The following SLC4A1 variants were observed in gnomAD, a reference collection of about 807,000 sequenced individuals.
SLC4A1 encodes solute carrier family 4 member 1 (Diego blood group), also known as band 3 anion transport protein.
In SLC4A1, 29 loss-of-function variants were observed where a neutral mutation model predicts 93.1. That is an observed-to-expected ratio of 0.31 (90% CI 0.23 to 0.42). The LOEUF (loss-of-function observed/expected upper bound fraction) is 0.42. SLC4A1 is among the 20% of genes least tolerant of loss of function. SLC4A1 has a pLI of 1.00. For synonymous variants in SLC4A1, 469 were observed against 497.2 expected, an observed-to-expected ratio of 0.94 and a Z score of 0.76; for missense variants, 965 against 1,190.1, an observed-to-expected ratio of 0.81 and a Z score of 2.78.
At position 44,254,675 on chromosome 17, in the gene SLC4A1, G is replaced by C; in HGVS notation, c.1891-13C>G. On this transcript the variant is annotated splice_polypyrimidine_tract_variant and intron_variant, in intron 15 of 19. Transcript: ENST00000262418. ...GCACCGAGAGTTTCTGTGGGAGGGGGTAGCAGGTAAGAATGCCAAGGGCAG... is the reference window on the plus strand; with the variant it reads ...GCACCGAGAGTTTCTGTGGGAGGGGCTAGCAGGTAAGAATGCCAAGGGCAG... 1 of 1,613,472 alleles carries C rather than the reference G, an allele frequency of 6.2e-7. No homozygotes were observed. Among genetic ancestry groups the C allele is most frequent in the Non-Finnish European group, 8.5e-7 (1 of 1,179,744 alleles).
chr17:44,253,013 G>T (rs1013207765), intron 17 of SLC4A1, 105 bp downstream of exon 17: 12 of 1,197,370 alleles, frequency 1.0e-5, no homozygotes, highest in African/African-American at 7.4e-5. Flanking sequence ...GGTGCAGGAT[G>T]GGGGAGGCTG....
rs537214746 is a variant in SLC4A1 at position 44,254,100 on chromosome 17, A to G, written c.2057+396T>C. Among the ~76,000 whole-genome samples, 7 of 149,138 alleles carry G rather than the reference A, an allele frequency of 4.7e-5. No individual in the cohort carries two copies. In the South Asian group the frequency reaches 1.5e-3, roughly 32 times the overall value. ...AGCGATTCTCCTGCCTCAGCCTCCC[A>G]AGTAGCTGAGATTACAGGCTCGTGC... On this transcript the variant is annotated intron_variant, in intron 16 of 19. Coordinates refer to ENST00000262418, the MANE Select transcript of SLC4A1 (RefSeq NM_000342.4).
chr17:44,265,897 C>T (rs535250111), intron 1 of SLC4A1, among the ~76,000 whole-genome samples: 58 of 151,792 alleles, frequency 3.8e-4, no homozygotes, highest in Non-Finnish European at 5.7e-4. Flanking sequence ...AGGAGAATCC[C>T]TTGAACCAGG....
rs775396228 is a variant in SLC4A1, at chr17:44,261,653, G to T, written c.107-17C>A. ...TGTCGTGAGCTGAAAACCAGAGGTC[G>T]GTTAGTATTGACCTGACCGTCCCCC... is the stretch of plus-strand genomic sequence containing the variant. On this transcript the variant is annotated splice_polypyrimidine_tract_variant and intron_variant, in intron 3 of 19. Coordinates refer to ENST00000262418, the MANE Select transcript of SLC4A1 (RefSeq NM_000342.4). 6.2e-7 allele frequency: 1 copy of T among 1,614,098 alleles called. No individual in the cohort carries two copies. Among genetic ancestry groups the T allele is most frequent in the Non-Finnish European group, 8.5e-7 (1 of 1,179,966 alleles).
At chr17:44,266,883 C>CAGAT (rs1291843686) in intron 1 of SLC4A1, among the ~76,000 whole-genome samples, 1 of 152,120 alleles carries the variant, frequency 6.6e-6, no homozygotes, top group Non-Finnish European at 1.5e-5. Context: ...GGGGATTGAC[C>CAGAT]AGATGACAGG....
chr17:44,255,290 G>A lies in SLC4A1; in HGVS notation c.1807C>T (p.Arg603Trp), dbSNP rs1468689028. The A allele has an allele frequency of 3.2e-6, 5 of 1,554,544 alleles. No individual in the cohort carries two copies. Among genetic ancestry groups the A allele is most frequent in the Non-Finnish European group, 4.4e-6 (5 of 1,148,348 alleles). The change falls in exon 15 of 20, where the codon CGG becomes TGG. Residue 603 changes from arginine (R) to tryptophan (W), a missense_variant. Transcript: ENST00000262418. Reference protein sequence around the residue: ...NSSYFPGKLRRVIGDFGVPIS... With the variant: ...NSSYFPGKLRWVIGDFGVPIS... Reference sequence around the variant, plus strand: ...GGGACCCCGAAGTCCCCGATGACCCGACGCAGCTGGGGGCAGGTGAAAGGA... The same window carrying A: ...GGGACCCCGAAGTCCCCGATGACCCAACGCAGCTGGGGGCAGGTGAAAGGA...
chr17:44,254,469 AGG>A, intron 16 of SLC4A1, 25 bp downstream of exon 16: 2 of 665,398 alleles, frequency 3.0e-6, no homozygotes, highest in Non-Finnish European at 5.4e-6. Flanking sequence ...CCACCCTCCC[AGG>A]CCCAGCCCCC....
Position 44,260,740 on chromosome 17 carries a change from C to T in SLC4A1, c.244G>A (p.Val82Met), listed in dbSNP as rs1481733360. ...ELRWMEAARWVQLEENLGENG... is the reference protein window; with the variant it reads ...ELRWMEAARWMQLEENLGENG... ...TCCCCCAGGTTCTCCTCCAGTTGCACCCAGCGCGCCGCCTCCATCCATCTC... is the reference window on the plus strand; with the variant it reads ...TCCCCCAGGTTCTCCTCCAGTTGCATCCAGCGCGCCGCCTCCATCCATCTC... Residue 82 changes from valine (V) to methionine (M), a missense_variant, in exon 5 of 20, where the codon GTG becomes ATG. This residue lies in a region of SLC4A1 where 195 missense variants were observed against 183.5 expected (regional missense o/e 1.06). Coordinates refer to ENST00000262418, the MANE Select transcript of SLC4A1 (RefSeq NM_000342.4). 6.2e-7 allele frequency: 1 copy of T among 1,614,022 alleles called. No individual in the cohort carries two copies. The highest frequency in any genetic ancestry group is 2.2e-5 in the East Asian group (1 of 44,890).
chr17:44,260,345 G>T (rs1567834474), intron 6 of SLC4A1, 59 bp downstream of exon 6: 1 of 1,578,676 alleles, frequency 6.3e-7, no homozygotes. Context: ...CTTGGGGCAA[G>T]TGGGCTGGGG....
Position 44,262,953 on chromosome 17 carries a change from G to C in SLC4A1, c.-68-19C>G. 6.2e-7 allele frequency: 1 copy of C among 1,606,582 alleles called. No homozygotes were observed. The highest frequency in any genetic ancestry group is 8.5e-7 in the Non-Finnish European group (1 of 1,177,226). ...CGGGTCCCTGCAGCAGAGGGCACAG[G>C]CTGAGTGGGGCACAGGGCATCCCAG... On this transcript the variant is annotated intron_variant, in intron 1 of 19. Transcript: ENST00000262418.
intron 19 of SLC4A1, among the ~76,000 whole-genome samples, chr17:44,250,796 C>T (rs1382020750): frequency 2.0e-5 from 3 of 152,138 alleles, no homozygotes; most frequent in Non-Finnish European, 4.4e-5. Flanking sequence ...CCAAGGCGGC[C>T]CCACAGTGAC....
chr17:44,256,139 TCATC>T (rs984076334), intron 13 of SLC4A1, among the ~76,000 whole-genome samples: 3 of 152,148 alleles, frequency 2.0e-5, no homozygotes, highest in African/African-American at 7.2e-5. Context: ...CATTCATCAA[TCATC>T]CATCCATCCA....
At chr17:44,256,426 A>G (rs2047389484) in intron 13 of SLC4A1, among the ~76,000 whole-genome samples, 1 of 152,216 alleles carries the variant, frequency 6.6e-6, no homozygotes, top group African/African-American at 2.4e-5. Flanking sequence ...AAGGGGTTAA[A>G]AGACCTGGAC....
At chr17:44,268,003 CT>C (rs1445788855) in intron 1 of SLC4A1, 50 bp downstream of exon 1, 41 of 929,434 alleles carry the variant, frequency 4.4e-5, no homozygotes, top group Non-Finnish European at 5.1e-5. Flanking sequence ...TGTAGAAGCC[CT>C]CAGGGCAGGC....
rs1476185218 is a variant in SLC4A1 at position 44,254,597 on chromosome 17, TG to T, written c.1955del (p.Pro652HisfsTer12). The stretch of plus-strand genomic sequence containing the variant: ...TGGGAAACTCGGAACGCAAGCCCAG[TG>T]GGTGGATGACCCAGCCCCGGGCTGA... Reference protein sequence around the residue: ...NSSARGWVIHPLGLRSEFPIW... With the variant: ...NSSARGWVIHXLGLRSEFPIW... On this transcript the variant is annotated frameshift_variant, in exon 16 of 20. Coordinates refer to ENST00000262418, the MANE Select transcript of SLC4A1 (RefSeq NM_000342.4). LOFTEE classifies it high-confidence loss of function. 1.2e-6 allele frequency: 2 copies of T among 1,613,720 alleles called. No individual in the cohort carries two copies. The highest frequency in any genetic ancestry group is 1.1e-5 in the South Asian group (1 of 91,036).
At chr17:44,253,970 C>CTTT (rs55705332) in intron 16 of SLC4A1, among the ~76,000 whole-genome samples, 11 of 87,068 alleles carry the variant, frequency 1.3e-4, no homozygotes, top group Non-Finnish European at 1.6e-4. Flanking sequence ...TCACCTGGCG[C>CTTT]TTTTTTTTTT....
chr17:44,263,704 T>TG (rs2047468227), intron 1 of SLC4A1, among the ~76,000 whole-genome samples: 1 of 43,586 alleles, frequency 2.3e-5, no homozygotes, highest in Non-Finnish European at 4.9e-5. Flanking sequence ...TTCCCTCCCT[T>TG]CCCTCCTTCC....
chr17:44,259,018 G>T, intron 9 of SLC4A1, 145 bp downstream of exon 9: 3 of 876,666 alleles, frequency 3.4e-6, no homozygotes, highest in East Asian at 2.6e-5. Context: ...GACTGCCCCC[G>T]CCAGGTAGGA....
In SLC4A1 at chr17:44,249,752, G is replaced by A. The variant is rs1442308823; in HGVS notation, c.*706C>T. The A allele has an allele frequency of 6.4e-6, 1 of 155,090 alleles. No homozygotes were observed. Among genetic ancestry groups the A allele is most frequent in the African/African-American group, 2.4e-5 (1 of 41,448 alleles). The allele number at this position is 155,090 out of a possible 1,614,324, so 9.6% of individuals were successfully genotyped here. ...CTGGGCCCAGAGAAGAGGGTCTCAA[G>A]GTAGGGGCTGGGAGCAGAGTGGGGA... is the stretch of plus-strand genomic sequence containing the variant. On this transcript the variant is annotated 3_prime_UTR_variant, in exon 20 of 20. Coordinates refer to ENST00000262418, the MANE Select transcript of SLC4A1 (RefSeq NM_000342.4).
Sources: gnomAD v4.1 joint callset for allele counts (sites outside exome capture counted in the v4.1 genomes callset) on GRCh38, gnomAD v4.1.1 for gene constraint, gnomAD v4.1.1 regional missense constraint, MANE v1.5 for transcripts, NCBI Gene and HGNC (gene_info 2026-07-23, HGNC 2026-07-21) for gene names.